Variants in P4HA1 observed in about 807,000 individuals in gnomAD.
The protein encoded by P4HA1 is prolyl 4-hydroxylase subunit alpha 1, also known as prolyl 4-hydroxylase subunit alpha-1.
Under a neutral mutation model 72.8 loss-of-function variants are expected in P4HA1, and 24 were observed. The ratio of observed to expected loss-of-function variants is 0.33; its 90% confidence interval spans 0.24 to 0.46. P4HA1 has a LOEUF of 0.46. P4HA1 is among the 20% of genes least tolerant of loss of function. The pLI is 1.00. For synonymous variants in P4HA1, 201 were observed against 218.8 expected (o/e 0.92, Z 0.72); for missense variants, 446 against 640.6 (o/e 0.70, Z 3.28).
chr10:73,011,687 A>G (rs1206995940), intron 12 of P4HA1, among the ~76,000 whole-genome samples: 2 of 152,150 alleles, frequency 1.3e-5, no homozygotes, highest in Non-Finnish European at 2.9e-5. Context: ...GATCATAAAG[A>G]TTTTTTTAAA....
intron 5 of P4HA1, among the ~76,000 whole-genome samples, chr10:73,062,331 G>A (rs1409348872): frequency 6.6e-6 from 1 of 151,844 alleles, no homozygotes. Flanking sequence ...CTCTTTTTAT[G>A]CTGTTACACA....
At chr10:73,095,799 G>T (rs753223349) in intron 1 of P4HA1, among the ~76,000 whole-genome samples, 1 of 152,150 alleles carries the variant, frequency 6.6e-6, no homozygotes, top group Non-Finnish European at 1.5e-5. Context: ...CACTCTATCC[G>T]GAACGCGTAA....
chr10:73,037,308 TA>T lies in P4HA1; in HGVS notation c.1149-6939del, dbSNP rs202154662. Among the ~76,000 whole-genome samples the T allele has an allele frequency of 5.7e-3, 681 of 120,086 alleles. 6 individuals carry two copies. The highest frequency in any genetic ancestry group is 0.019 in the South Asian group (69 of 3,700). The allele number at this position is 120,086 out of a possible 152,430, so 78.8% of individuals were successfully genotyped here. A position where few individuals can be genotyped will look rare whatever the true frequency, so the allele number is the denominator to read the frequency against. ...TTCCTTTCTACTGAGTTTCCGCTGTTAAAAAAAAAAAAAAAAAACTTCATGA... is the reference window on the plus strand; with the variant it reads ...TTCCTTTCTACTGAGTTTCCGCTGTTAAAAAAAAAAAAAAAAACTTCATGA... On this transcript the variant is annotated intron_variant, in intron 9 of 14. Transcript: ENST00000394890.
At chr10:73,016,181 T>G (rs751018519) in intron 11 of P4HA1, among the ~76,000 whole-genome samples, 5 of 152,172 alleles carry the variant, frequency 3.3e-5, no homozygotes, top group Non-Finnish European at 7.4e-5. Context: ...GGGTTCTTCA[T>G]CTTCCACTAT....
At chr10:73,044,708 C>T (rs1191832709) in intron 9 of P4HA1, among the ~76,000 whole-genome samples, 1 of 152,084 alleles carries the variant, frequency 6.6e-6, no homozygotes, top group Admixed American at 6.6e-5. Context: ...CAGGCCACTT[C>T]CTGGATATTT....
At chr10:73,028,573 A>C (rs908960482) in intron 10 of P4HA1, among the ~76,000 whole-genome samples, 1 of 152,082 alleles carries the variant, frequency 6.6e-6, no homozygotes, top group Non-Finnish European at 1.5e-5. Flanking sequence ...CTGGAATTAC[A>C]GTCATGTGCC....
chr10:73,083,857 C>G (rs1434595528), intron 1 of P4HA1, among the ~76,000 whole-genome samples: 1 of 152,088 alleles, frequency 6.6e-6, no homozygotes, highest in African/African-American at 2.4e-5. Flanking sequence ...ATTAAAAGAA[C>G]TCAAAAAAAT....
chr10:73,096,598 G>A (rs1193630930), intron 1 of P4HA1, among the ~76,000 whole-genome samples, 168 bp downstream of exon 1: 2 of 152,154 alleles, frequency 1.3e-5, no homozygotes, highest in African/African-American at 4.8e-5. Context: ...GGCGCAGGGA[G>A]AGGGGCCGAG....
At chr10:73,069,235 G>A (rs1802292295) in intron 4 of P4HA1, among the ~76,000 whole-genome samples, 1 of 152,068 alleles carries the variant, frequency 6.6e-6, no homozygotes. Flanking sequence ...TGTATTAGCA[G>A]GTAAAGATCA....
At chr10:73,056,843 G>A (rs1016750048) in intron 5 of P4HA1, among the ~76,000 whole-genome samples, 1 of 151,972 alleles carries the variant, frequency 6.6e-6, no homozygotes. Context: ...GGCGGATCAT[G>A]AGGTCAGGAG....
chr10:73,069,824 T>TTTTTTTGA (rs1841510164), intron 4 of P4HA1, among the ~76,000 whole-genome samples: 1 of 151,620 alleles, frequency 6.6e-6, no homozygotes, highest in African/African-American at 2.4e-5. Flanking sequence ...TTTTTTTTTT[T>TTTTTTTGA]GAGACAGTCT....
intron 10 of P4HA1, among the ~76,000 whole-genome samples, chr10:73,021,999 G>A (rs1262178616): frequency 3.3e-5 from 5 of 152,210 alleles, no homozygotes; most frequent in Non-Finnish European, 7.3e-5. Context: ...AGCTCAAACT[G>A]GGCGGAGCCC....
At chr10:73,091,009 C>T (rs551419665) in intron 1 of P4HA1, among the ~76,000 whole-genome samples, 19 of 140,784 alleles carry the variant, frequency 1.3e-4, no homozygotes, top group African/African-American at 4.8e-4. Flanking sequence ...TGCCGTGAAC[C>T]GAGATTGCGC....
intron 5 of P4HA1, among the ~76,000 whole-genome samples, chr10:73,060,301 T>TTCC: frequency 6.6e-6 from 1 of 152,348 alleles, no homozygotes; most frequent in African/African-American, 2.4e-5. Context: ...GGTTTTCAAT[T>TTCC]TGAACAATAT....
intron 1 of P4HA1, among the ~76,000 whole-genome samples, chr10:73,076,291 T>C (rs915151592): frequency 2.0e-5 from 3 of 152,026 alleles, no homozygotes; most frequent in African/African-American, 7.2e-5. Context: ...CTCAAACTCC[T>C]GGGCTCAAAT....
chr10:73,069,658 T>A (rs1249694878), intron 4 of P4HA1, among the ~76,000 whole-genome samples: 1 of 152,150 alleles, frequency 6.6e-6, no homozygotes, highest in Non-Finnish European at 1.5e-5. Flanking sequence ...AACCAATTAC[T>A]GATAACTATA....
intron 5 of P4HA1, among the ~76,000 whole-genome samples, chr10:73,067,353 C>T (rs141501623): frequency 6.6e-6 from 1 of 152,172 alleles, no homozygotes; most frequent in Non-Finnish European, 1.5e-5. Flanking sequence ...AATCTCCATT[C>T]GGCAGCCAGA....
At chr10:73,017,895 C>T (rs949136522) in intron 10 of P4HA1, among the ~76,000 whole-genome samples, 2 of 152,176 alleles carry the variant, frequency 1.3e-5, no homozygotes, top group African/African-American at 4.8e-5. Flanking sequence ...AAAATGCTGA[C>T]AAAATCAAAG....
At chr10:73,053,940 A>C (rs1174609589) in intron 5 of P4HA1, among the ~76,000 whole-genome samples, 2 of 151,398 alleles carry the variant, frequency 1.3e-5, no homozygotes, top group Non-Finnish European at 2.9e-5. Flanking sequence ...CTTTTGAGAC[A>C]GAGTCTTGCT....
Sources: allele counts gnomAD v4.1 joint callset (sites outside exome capture counted in the v4.1 genomes callset), GRCh38; gene constraint gnomAD v4.1.1; transcripts MANE v1.5; gene names NCBI Gene and HGNC (gene_info 2026-07-23, HGNC 2026-07-21).